The following SLC2A9 variants were observed in gnomAD, a reference collection of about 807,000 sequenced individuals.
The protein encoded by SLC2A9 is solute carrier family 2 member 9, also known as solute carrier family 2, facilitated glucose transporter member 9.
In SLC2A9, 39 loss-of-function variants were observed where a neutral mutation model predicts 50.6. The ratio of observed to expected loss-of-function variants is 0.77; its 90% CI spans 0.60 to 1.01. The LOEUF (loss-of-function observed/expected upper bound fraction) is 1.01. Among genes scored for constraint, SLC2A9 ranks in the 50% least tolerant of loss-of-function variants. The probability of loss-of-function intolerance (pLI) is 0.00; values close to 1 mark genes in which losing one functional copy is unlikely to be tolerated. For synonymous variants in SLC2A9, 324 were observed against 276.9 expected, an observed-to-expected ratio of 1.17 and a Z score of -1.69; for missense variants, 686 against 677.6, an observed-to-expected ratio of 1.01 and a Z score of -0.14.
intron 10 of SLC2A9, among the ~76,000 whole-genome samples, chr4:9,885,190 A>G (rs1701015192): frequency 1.3e-5 from 2 of 152,050 alleles, no homozygotes; most frequent in South Asian, 4.2e-4. Context: ...AAAAAGCAAC[A>G]TGTATCCCAT....
downstream of SLC2A9, among the ~76,000 whole-genome samples, chr4:9,822,891 C>A (rs1724602848): frequency 6.6e-6 from 1 of 152,170 alleles, no homozygotes; most frequent in Non-Finnish European, 1.5e-5. Context: ...ATGTCTCCTG[C>A]AGCTTTTTCA....
intron 7 of SLC2A9, among the ~76,000 whole-genome samples, chr4:9,917,375 C>T (rs1434029935): frequency 2.3e-5 from 3 of 130,514 alleles, no homozygotes; most frequent in East Asian, 2.1e-4. Context: ...CTCTGTGTCC[C>T]AGGCTGGGGT....
intron 3 of SLC2A9, among the ~76,000 whole-genome samples, chr4:9,791,297 G>C (rs73805854): frequency 0.014 from 2,105 of 152,306 alleles, 53 homozygotes; most frequent in African/African-American, 0.048. Flanking sequence ...AGAGAAAAAG[G>C]AGACAGATAT....
downstream of SLC2A9, among the ~76,000 whole-genome samples, chr4:9,774,944 C>T (rs1388359210): frequency 6.6e-6 from 1 of 151,928 alleles, no homozygotes; most frequent in African/African-American, 2.4e-5. Flanking sequence ...CAAAAGAAAC[C>T]CAGCTTCTCT....
intron 10 of SLC2A9, among the ~76,000 whole-genome samples, chr4:9,872,758 G>A (rs535440865): frequency 9.2e-5 from 14 of 152,300 alleles, no homozygotes; most frequent in Admixed American, 3.9e-4. Flanking sequence ...AATTCACTAC[G>A]CAGACATGAT....
chr4:9,783,331 C>T (rs750699062), intron 3 of SLC2A9: 4 of 1,614,228 alleles, frequency 2.5e-6, no homozygotes, highest in Non-Finnish European at 2.5e-6. Flanking sequence ...AGGGTCCTTT[C>T]GATCGCATGT....
chr4:9,960,790 G>A (rs961158977), intron 5 of SLC2A9, among the ~76,000 whole-genome samples: 5 of 152,174 alleles, frequency 3.3e-5, no homozygotes, highest in African/African-American at 1.2e-4. Context: ...TGAGGATTAT[G>A]GGATGATAGT....
chr4:9,890,299 G>T (rs1310879665), intron 9 of SLC2A9, among the ~76,000 whole-genome samples: 3 of 152,188 alleles, frequency 2.0e-5, no homozygotes, highest in Non-Finnish European at 4.4e-5. Context: ...TCTAGTGCAA[G>T]CTCTTCTATT....
chr4:9,980,745 G>GAGAA lies in SLC2A9; in HGVS notation c.536-12_536-9dup. The GAGAA allele has an allele frequency of 6.2e-7, 1 of 1,614,214 alleles. No individual in the cohort carries two copies. Among genetic ancestry groups the GAGAA allele is most frequent in the Non-Finnish European group, 8.5e-7 (1 of 1,180,028 alleles). On this transcript the variant is annotated splice_polypyrimidine_tract_variant and intron_variant, in intron 4 of 11. Coordinates refer to ENST00000264784, the MANE Select transcript of SLC2A9 (RefSeq NM_020041.3). ...GCACACTGAGGGCGACGCCTGTAGA[G>GAGAA]AGAAAGCATAGCAGCAGTTAGAGAG...
intron 10 of SLC2A9, among the ~76,000 whole-genome samples, chr4:9,861,077 C>A (rs1731546114): frequency 6.6e-6 from 1 of 152,142 alleles, no homozygotes; most frequent in Admixed American, 6.5e-5. Flanking sequence ...TTAGTCTGTT[C>A]TCCCATTGCT....
chr4:9,960,815 TG>T, intron 5 of SLC2A9, among the ~76,000 whole-genome samples: 1 of 151,746 alleles, frequency 6.6e-6, no homozygotes, highest in South Asian at 2.1e-4. Flanking sequence ...AGAAGGGAAA[TG>T]GGGGCAGTTG....
At chr4:9,962,076 G>T (rs28757356) in intron 5 of SLC2A9, among the ~76,000 whole-genome samples, 2 of 152,228 alleles carry the variant, frequency 1.3e-5, no homozygotes, top group African/African-American at 4.8e-5. Context: ...AACAGATGCT[G>T]ATGGGGCTGT....
chr4:9,825,982 C>A (rs1387729734), downstream of SLC2A9, among the ~76,000 whole-genome samples: 1 of 152,166 alleles, frequency 6.6e-6, no homozygotes, highest in Non-Finnish European at 1.5e-5. Flanking sequence ...GGGACTAGAA[C>A]CTCAGTCTGT....
In SLC2A9 at chr4:9,955,490, G is replaced by T. The variant is rs1578069199; in HGVS notation, c.682-13445C>A. Among the ~76,000 whole-genome samples, 3 of 17,608 alleles carry T rather than the reference G, an allele frequency of 1.7e-4. 1 individual carries two copies. Among genetic ancestry groups the T allele is most frequent in the Admixed American group, 1.2e-3 (1 of 858 alleles). 11.6% of individuals were successfully genotyped at this position (17,608 alleles called of 152,430 possible). A position where few individuals can be genotyped will look rare whatever the true frequency, so the allele number is the denominator to read the frequency against. On this transcript the variant is annotated intron_variant, in intron 5 of 11. Coordinates refer to ENST00000264784, the MANE Select transcript of SLC2A9 (RefSeq NM_020041.3). ...CGCCTGGGCCACAGAGCGAGACTCC[G>T]TCTCAAAAAAAAAAAAAAAAAAAAA...
At chr4:10,005,395 G>C (rs1370895398) in intron 2 of SLC2A9, among the ~76,000 whole-genome samples, 1 of 152,188 alleles carries the variant, frequency 6.6e-6, no homozygotes. Flanking sequence ...ACCTGGCTTT[G>C]CCTGCCAGCC....
chr4:9,932,391 GAA>G (rs1489109931), intron 6 of SLC2A9, among the ~76,000 whole-genome samples: 1 of 152,150 alleles, frequency 6.6e-6, no homozygotes, highest in African/African-American at 2.4e-5. Flanking sequence ...AGTAAAATAG[GAA>G]AAGTGTCCCT....
intron 3 of SLC2A9, chr4:9,783,401 G>A (rs1329513526): frequency 6.2e-7 from 1 of 1,614,012 alleles, no homozygotes; most frequent in African/African-American, 1.3e-5. Context: ...CTGGGAGCTG[G>A]ACTGCGAGGG....
chr4:9,846,782 G>C (rs988166695), intron 10 of SLC2A9, among the ~76,000 whole-genome samples: 4 of 152,106 alleles, frequency 2.6e-5, no homozygotes, highest in African/African-American at 9.7e-5. Context: ...AAGAAATAAA[G>C]TGCACACCCA....
intron 4 of SLC2A9, among the ~76,000 whole-genome samples, chr4:9,982,973 G>A (rs1361335417): frequency 6.6e-6 from 1 of 152,136 alleles, no homozygotes; most frequent in Non-Finnish European, 1.5e-5. Context: ...GGTTCAAGTG[G>A]TTCTCCCACC....
Sources: gnomAD v4.1 joint callset for allele counts (sites outside exome capture counted in the v4.1 genomes callset) on GRCh38, gnomAD v4.1.1 for gene constraint, MANE v1.5 for transcripts, NCBI Gene and HGNC (gene_info 2026-07-23, HGNC 2026-07-21) for gene names.